Variants in HCN1 observed in about 807,000 individuals in gnomAD.
HCN1 encodes hyperpolarization activated cyclic nucleotide gated potassium channel 1, also known as potassium/sodium hyperpolarization-activated cyclic nucleotide-gated channel 1.
Under a neutral mutation model 78.9 loss-of-function variants are expected in HCN1, and 13 were observed. The observed-to-expected ratio is 0.16, with a 90% CI of 0.11 to 0.26. The LOEUF (loss-of-function observed/expected upper bound fraction) is 0.26, where lower values mean the gene tolerates loss of function less well. HCN1 is among the 10% of genes least tolerant of loss of function. HCN1 has a pLI of 1.00. For missense variants in HCN1, 810 were observed against 1,154.3 expected, an observed-to-expected ratio of 0.70 and a Z score of 4.32; for synonymous variants, 552 against 455.5, an observed-to-expected ratio of 1.21 and a Z score of -2.70.
chr5:45,601,765 A>G (rs1744630183), intron 2 of HCN1, among the ~76,000 whole-genome samples: 1 of 152,118 alleles, frequency 6.6e-6, no homozygotes, highest in Non-Finnish European at 1.5e-5. Flanking sequence ...ATGCATCTAT[A>G]TTTTCCAAAT....
intron 5 of HCN1, among the ~76,000 whole-genome samples, chr5:45,333,341 CT>C (rs1746384899): frequency 6.6e-6 from 1 of 151,408 alleles, no homozygotes; most frequent in Non-Finnish European, 1.5e-5. Context: ...GATTATTAGA[CT>C]TTTTTCCTAT....
chr5:45,652,659 C>T (rs924663316), intron 1 of HCN1, among the ~76,000 whole-genome samples: 2 of 151,928 alleles, frequency 1.3e-5, no homozygotes, highest in African/African-American at 4.8e-5. Context: ...TTCCAAATTT[C>T]CTGATAGAAT....
At chr5:45,365,331 C>A (rs1409242801) in intron 4 of HCN1, among the ~76,000 whole-genome samples, 1 of 151,834 alleles carries the variant, frequency 6.6e-6, no homozygotes, top group Non-Finnish European at 1.5e-5. Context: ...AATTTTTCAA[C>A]CCTCACCCAC....
chr5:45,447,874 A>C lies in HCN1; in HGVS notation c.1011+13972T>G, dbSNP rs573270070. On this transcript the variant is annotated intron_variant, in intron 3 of 7. Coordinates refer to ENST00000303230, the MANE Select transcript of HCN1 (RefSeq NM_021072.4). ...TCCCCTCATAATATCATATGTATAT[A>C]TTTTATGATATATATATATATATGA... Among the ~76,000 whole-genome samples the C allele has an allele frequency of 6.0e-5, 9 of 149,778 alleles. No individual in the cohort carries two copies. The South Asian group carries it at 1.9e-3, about 32-fold the overall frequency.
chr5:45,549,929 A>G (rs922212599), intron 2 of HCN1, among the ~76,000 whole-genome samples: 9 of 152,206 alleles, frequency 5.9e-5, no homozygotes, highest in African/African-American at 1.9e-4. Context: ...AGAGAAATGC[A>G]AATCGAAACC....
At chr5:45,688,539 A>C (rs752584443) in intron 1 of HCN1, among the ~76,000 whole-genome samples, 1 of 152,132 alleles carries the variant, frequency 6.6e-6, no homozygotes, top group Non-Finnish European at 1.5e-5. Context: ...ATTAACTCTA[A>C]GATTAAATGT....
At chr5:45,420,179 C>T (rs530850750) in intron 3 of HCN1, among the ~76,000 whole-genome samples, 1 of 152,198 alleles carries the variant, frequency 6.6e-6, no homozygotes, top group East Asian at 1.9e-4. Context: ...TTCTATGACT[C>T]TAAATATAGA....
intron 1 of HCN1, among the ~76,000 whole-genome samples, chr5:45,664,763 T>C (rs199721208): frequency 3.3e-5 from 5 of 151,736 alleles, no homozygotes; most frequent in Admixed American, 2.0e-4. Flanking sequence ...CATCTCACAC[T>C]AGTTAGAATG....
chr5:45,261,182 A>T lies in HCN1; in HGVS notation c.*739T>A, dbSNP rs1196810589. 1 of 152,632 alleles carries T rather than the reference A, an allele frequency of 6.6e-6. No individual in the cohort carries two copies. Among genetic ancestry groups the T allele is most frequent in the East Asian group, 1.9e-4 (1 of 5,200 alleles). 9.5% of individuals were successfully genotyped at this position (152,632 alleles called of 1,614,324 possible). On this transcript the variant is annotated 3_prime_UTR_variant, in exon 8 of 8. Transcript: ENST00000303230. Reference sequence around the variant, plus strand: ...TACCTTCATACAACACAGAATAGCTATTTTTATTTGGGTTGAAAAAGTTAT... The same window carrying T: ...TACCTTCATACAACACAGAATAGCTTTTTTTATTTGGGTTGAAAAAGTTAT...
chr5:45,513,734 A>G (rs1742464333), intron 2 of HCN1, among the ~76,000 whole-genome samples: 1 of 152,060 alleles, frequency 6.6e-6, no homozygotes, highest in Non-Finnish European at 1.5e-5. Context: ...TCATCCTGAA[A>G]CCATTGCCCC....
At chr5:45,265,555 C>G (rs1744838798) in intron 7 of HCN1, among the ~76,000 whole-genome samples, 1 of 152,110 alleles carries the variant, frequency 6.6e-6, no homozygotes, top group African/African-American at 2.4e-5. Flanking sequence ...AATCTATTTT[C>G]AGATCTCTAT....
chr5:45,558,965 T>G (rs1461684783), intron 2 of HCN1: 1 of 148,868 alleles, frequency 6.7e-6, no homozygotes, highest in Non-Finnish European at 1.5e-5. Context: ...CTTGCTAGAT[T>G]GCTCAGGCTG....
intron 2 of HCN1, among the ~76,000 whole-genome samples, chr5:45,610,678 CT>C (rs1228476567): frequency 2.7e-5 from 4 of 150,670 alleles, no homozygotes; most frequent in Admixed American, 6.6e-5. Context: ...TTAATCTGTA[CT>C]TTTGTATCCC....
At position 45,375,575 on chromosome 5, in the gene HCN1, TTA is replaced by T. The variant is rs1321663161; in HGVS notation, c.1230+20915_1230+20916del. Among the ~76,000 whole-genome samples the T allele has an allele frequency of 0.011, 18 of 1,616 alleles. No homozygotes were observed. The South Asian group carries it at 0.16, about 14-fold the overall frequency. 1.1% of individuals were successfully genotyped at this position (1,616 alleles called of 152,430 possible). The stretch of plus-strand genomic sequence containing the variant: ...TACATATTATATATAAGATCATATT[TTA>T]TGATACATATTATATATAAGATCAT... On this transcript the variant is annotated intron_variant, in intron 4 of 7. Transcript: ENST00000303230.
chr5:45,364,675 C>A (rs1203170626), intron 4 of HCN1, among the ~76,000 whole-genome samples: 1 of 152,082 alleles, frequency 6.6e-6, no homozygotes, highest in East Asian at 1.9e-4. Flanking sequence ...AACTAACCAT[C>A]TTGTCATTTG....
chr5:45,374,038 AATATATATT>A (rs1295879531), intron 4 of HCN1, among the ~76,000 whole-genome samples: 24 of 89,374 alleles, frequency 2.7e-4, no homozygotes, highest in South Asian at 1.7e-3. Flanking sequence ...TTATATACAT[AATATATATT>A]ATATATATTA....
chr5:45,267,459 G>GTT (rs200522015), intron 6 of HCN1, among the ~76,000 whole-genome samples: 11 of 145,926 alleles, frequency 7.5e-5, no homozygotes, highest in African/African-American at 2.9e-4. Flanking sequence ...GTTTTGTTTT[G>GTT]TTTTAAAAAA....
chr5:45,603,800 A>G (rs1415431588), intron 2 of HCN1, among the ~76,000 whole-genome samples: 1 of 152,138 alleles, frequency 6.6e-6, no homozygotes, highest in Non-Finnish European at 1.5e-5. Context: ...GACTAATTGT[A>G]TGATAAAATT....
At chr5:45,450,131 G>A (rs987269215) in intron 3 of HCN1, among the ~76,000 whole-genome samples, 6 of 152,120 alleles carry the variant, frequency 3.9e-5, no homozygotes, top group South Asian at 4.1e-4. Context: ...GCGCCCAGCC[G>A]AACATAAGTT....
Sources: gnomAD v4.1 joint callset for allele counts (sites outside exome capture counted in the v4.1 genomes callset) on GRCh38, gnomAD v4.1.1 for gene constraint, MANE v1.5 for transcripts, NCBI Gene and HGNC (gene_info 2026-07-23, HGNC 2026-07-21) for gene names.